SLC25A31: variants seen among roughly 807,000 people sequenced by gnomAD.
SLC25A31 encodes solute carrier family 25 member 31, also known as ADP/ATP translocase 4.
In SLC25A31, 40 loss-of-function variants were observed where a neutral mutation model predicts 36.2. That is an observed-to-expected ratio of 1.10 (90% CI 0.86 to 1.44). The LOEUF (loss-of-function observed/expected upper bound fraction) is 1.44, where lower values mean the gene tolerates loss of function less well. SLC25A31 is among the 40% of genes most tolerant of loss of function. SLC25A31 has a pLI of 0.00. For missense variants in SLC25A31, 350 were observed against 397.1 expected, an observed-to-expected ratio of 0.88 and a Z score of 1.01; for synonymous variants, 143 against 149.7, an observed-to-expected ratio of 0.96 and a Z score of 0.32.
rs184949990 is a variant in SLC25A31 at position 127,746,947 on chromosome 4, A to G, written c.360+2148A>G. Among the ~76,000 whole-genome samples the G allele has an allele frequency of 2.9e-3, 447 of 152,016 alleles. 3 individuals carry two copies. The highest frequency in any genetic ancestry group is 0.01 in the African/African-American group (424 of 41,504). On this transcript the variant is annotated intron_variant, in intron 2 of 5. Transcript: ENST00000281154. ...TTTAATCCATCTTGGGTTGATTTTT[A>G]TATATGGTGTAAGGAAGGAGTCCAG...
intron 1 of SLC25A31, among the ~76,000 whole-genome samples, chr4:127,732,691 C>T (rs772753803): frequency 1.3e-5 from 2 of 152,032 alleles, no homozygotes; most frequent in African/African-American, 4.8e-5. Context: ...GTATCCTGGT[C>T]CTTGCTTTAA....
chr4:127,739,079 G>A (rs570071519), intron 1 of SLC25A31, among the ~76,000 whole-genome samples: 1 of 152,306 alleles, frequency 6.6e-6, no homozygotes, highest in Admixed American at 6.5e-5. Context: ...TTTAAACGGG[G>A]TGGTTAGAGG....
At chr4:127,762,581 T>C (rs1468395633) in intron 2 of SLC25A31, among the ~76,000 whole-genome samples, 1 of 152,216 alleles carries the variant, frequency 6.6e-6, no homozygotes, top group Non-Finnish European at 1.5e-5. Flanking sequence ...ATGTGAATTA[T>C]ACTTAGTAAA....
At chr4:127,754,494 G>A (rs1441933549) in intron 2 of SLC25A31, among the ~76,000 whole-genome samples, 6 of 150,224 alleles carry the variant, frequency 4.0e-5, no homozygotes, top group Admixed American at 4.0e-4. Context: ...TACTAACAAT[G>A]AATTCTTTTA....
chr4:127,755,997 CGCTCCAGCCTGG>C (rs1732024952), intron 2 of SLC25A31, among the ~76,000 whole-genome samples: 1 of 151,426 alleles, frequency 6.6e-6, no homozygotes, highest in Admixed American at 6.6e-5. Flanking sequence ...CGCGCCATTG[CGCTCCAGCCTGG>C]GCGGCAAAGC....
chr4:127,767,528 A>C (rs1273081714), intron 4 of SLC25A31, among the ~76,000 whole-genome samples: 5 of 152,322 alleles, frequency 3.3e-5, no homozygotes, highest in African/African-American at 4.8e-5. Flanking sequence ...GTATATGGAA[A>C]GGCATCTTCT....
intron 2 of SLC25A31, among the ~76,000 whole-genome samples, chr4:127,757,826 G>A (rs1424396015): frequency 1.3e-5 from 2 of 152,236 alleles, no homozygotes; most frequent in South Asian, 4.2e-4. Flanking sequence ...TTTGACTAGT[G>A]TGAGATGGTA....
chr4:127,772,532 A>G (rs1307574363), intron 5 of SLC25A31, among the ~76,000 whole-genome samples: 3 of 151,624 alleles, frequency 2.0e-5, no homozygotes, highest in Admixed American at 6.6e-5. Flanking sequence ...TGTGTTTTCT[A>G]TTTCCTTTAT....
At chr4:127,740,345 C>T (rs1731710044) in intron 1 of SLC25A31, among the ~76,000 whole-genome samples, 1 of 152,086 alleles carries the variant, frequency 6.6e-6, no homozygotes, top group African/African-American at 2.4e-5. Context: ...GCTCTATAAC[C>T]CTTGGGGGTG....
intron 2 of SLC25A31, among the ~76,000 whole-genome samples, chr4:127,753,667 A>G (rs1731977788): frequency 6.6e-6 from 1 of 152,176 alleles, no homozygotes; most frequent in African/African-American, 2.4e-5. Flanking sequence ...AACAATGAGT[A>G]AGGAAATTAA....
chr4:127,763,825 T>G (rs1490041463), intron 2 of SLC25A31, among the ~76,000 whole-genome samples: 1 of 152,190 alleles, frequency 6.6e-6, no homozygotes, highest in East Asian at 1.9e-4. Flanking sequence ...TACTTCACCC[T>G]TCACAGAAAA....
intron 2 of SLC25A31, among the ~76,000 whole-genome samples, chr4:127,748,413 C>G (rs919851974): frequency 6.6e-6 from 1 of 152,152 alleles, no homozygotes; most frequent in Non-Finnish European, 1.5e-5. Flanking sequence ...TGACTTGGTT[C>G]CAGCCCCTGT....
intron 1 of SLC25A31, among the ~76,000 whole-genome samples, chr4:127,742,455 C>T (rs920840510): frequency 6.6e-6 from 1 of 152,150 alleles, no homozygotes; most frequent in African/African-American, 2.4e-5. Flanking sequence ...CTTGCTTTCC[C>T]ACACATAGTT....
rs573691134 is a variant in SLC25A31 at position 127,749,500 on chromosome 4, C to T, written c.360+4701C>T. 1.8e-3 allele frequency among the ~76,000 whole-genome samples: 274 copies of T among 152,186 alleles called. 1 individual carries two copies. Among genetic ancestry groups the T allele is most frequent in the African/African-American group, 6.2e-3 (257 of 41,526 alleles). On this transcript the variant is annotated intron_variant, in intron 2 of 5. Transcript: ENST00000281154. ...GTGGCTCAGGCCTGTAATCCCAGCA[C>T]TTTTGGAAGCCGAGCCAGGCGGATC...
rs936086497 is a variant in SLC25A31, at chr4:127,730,400, G to T, written c.-146G>T. 3.5e-6 allele frequency: 3 copies of T among 854,366 alleles called. No homozygotes were observed. The highest frequency in any genetic ancestry group is 2.7e-5 in the East Asian group (1 of 37,030). The allele number at this position is 854,366 out of a possible 1,614,324, so 52.9% of individuals were successfully genotyped here. A position where few individuals can be genotyped will look rare whatever the true frequency, so the allele number is the denominator to read the frequency against. ...TGCGCAGCTTTTCCGCACGCGCCTC[G>T]CCGGCGCGCGGCTCTCTCAGCGTCC... On this transcript the variant is annotated 5_prime_UTR_variant, in exon 1 of 6. Transcript: ENST00000281154.
intron 1 of SLC25A31, among the ~76,000 whole-genome samples, chr4:127,736,057 T>C (rs1731627557): frequency 6.6e-6 from 1 of 150,656 alleles, no homozygotes; most frequent in Non-Finnish European, 1.5e-5. Flanking sequence ...GCCCGGCTAA[T>C]TTTTTGTATT....
chr4:127,755,830 T>C lies in SLC25A31; in HGVS notation c.361-8413T>C, dbSNP rs533367777. Among the ~76,000 whole-genome samples the C allele has an allele frequency of 2.0e-5, 3 of 152,176 alleles. 1 individual carries two copies. In the South Asian group the frequency reaches 6.2e-4, roughly 32 times the overall value. Reference sequence around the variant, plus strand: ...GGGCGGATCACCTGAGGTCAGGAGTTCGAGACCAGCTGGCCAACATGGTGA... The same window carrying C: ...GGGCGGATCACCTGAGGTCAGGAGTCCGAGACCAGCTGGCCAACATGGTGA... On this transcript the variant is annotated intron_variant, in intron 2 of 5. Coordinates refer to ENST00000281154, the MANE Select transcript of SLC25A31 (RefSeq NM_031291.4).
At chr4:127,730,834 G>T in intron 1 of SLC25A31, 57 bp downstream of exon 1, 1 of 1,507,752 alleles carries the variant, frequency 6.6e-7, no homozygotes. Context: ...CAGCTTCCCA[G>T]AGAAGAGGGT....
chr4:127,761,155 A>G (rs945760588), intron 2 of SLC25A31, among the ~76,000 whole-genome samples: 1 of 152,176 alleles, frequency 6.6e-6, no homozygotes, highest in Non-Finnish European at 1.5e-5. Context: ...TCCTACCGTC[A>G]CTACATAGAT....
Sources: gnomAD v4.1 joint callset for allele counts (sites outside exome capture counted in the v4.1 genomes callset) on GRCh38, gnomAD v4.1.1 for gene constraint, MANE v1.5 for transcripts, NCBI Gene and HGNC (gene_info 2026-07-23, HGNC 2026-07-21) for gene names.